Variants in GPC5 observed in about 807,000 individuals in gnomAD.
The protein encoded by GPC5 is glypican-5.
GPC5 carries 47 observed loss-of-function variants against 53.9 expected under a neutral mutation model. The ratio of observed to expected loss-of-function variants is 0.87; its 90% CI spans 0.69 to 1.11. The LOEUF is 1.11. Ranked by LOEUF, GPC5 falls within the 50% of genes most tolerant of loss-of-function variation. The pLI, the probability that GPC5 is intolerant of heterozygous loss-of-function variation, is 0.00. For missense variants in GPC5, 748 were observed against 713.1 expected (o/e 1.05, Z -0.56); for synonymous variants, 286 against 263.3 (o/e 1.09, Z -0.84).
At chr13:91,506,315 T>C (rs1007422924) in intron 2 of GPC5, among the ~76,000 whole-genome samples, 16 of 152,152 alleles carry the variant, frequency 1.1e-4, no homozygotes, top group African/African-American at 2.4e-5. Flanking sequence ...AAATACAGTA[T>C]CACAATGCTT....
chr13:92,744,401 C>A (rs761152768), intron 7 of GPC5, among the ~76,000 whole-genome samples: 6 of 150,896 alleles, frequency 4.0e-5, no homozygotes, highest in Non-Finnish European at 8.8e-5. Context: ...CGATTTGGAA[C>A]TGAGGAAAGA....
chr13:92,699,010 G>A (rs188667311), intron 7 of GPC5, among the ~76,000 whole-genome samples: 32 of 152,110 alleles, frequency 2.1e-4, no homozygotes, highest in African/African-American at 7.0e-4. Context: ...GTACCAGCTC[G>A]TTTTTGTACC....
chr13:92,181,813 G>A (rs2042148948), intron 7 of GPC5, among the ~76,000 whole-genome samples: 2 of 152,172 alleles, frequency 1.3e-5, no homozygotes, highest in African/African-American at 2.4e-5. Flanking sequence ...AAGAGTTTGA[G>A]GTGGGCCTTA....
intron 6 of GPC5, among the ~76,000 whole-genome samples, chr13:92,038,394 AGATC>A (rs1555306217): frequency 7.4e-5 from 11 of 149,374 alleles, no homozygotes; most frequent in Admixed American, 1.3e-4. Flanking sequence ...GTAGATAGAT[AGATC>A]GATCCCTGTT....
At chr13:91,922,979 A>C (rs1252610607) in intron 6 of GPC5, among the ~76,000 whole-genome samples, 1 of 152,138 alleles carries the variant, frequency 6.6e-6, no homozygotes, top group Non-Finnish European at 1.5e-5. Context: ...TGGGATCGTA[A>C]GGTCATAGTA....
At chr13:92,021,652 T>A (rs539947534) in intron 6 of GPC5, among the ~76,000 whole-genome samples, 4 of 152,202 alleles carry the variant, frequency 2.6e-5, no homozygotes, top group Admixed American at 6.5e-5. Flanking sequence ...ATAAAAATCC[T>A]ACTTACAGCT....
chr13:92,407,286 G>A (rs1207330185), intron 7 of GPC5, among the ~76,000 whole-genome samples: 5 of 152,074 alleles, frequency 3.3e-5, no homozygotes, highest in Admixed American at 2.6e-4. Context: ...TGCTTTTAAT[G>A]ACTTCTTTGA....
At chr13:91,752,002 G>A in intron 4 of GPC5, among the ~76,000 whole-genome samples, 1 of 152,254 alleles carries the variant, frequency 6.6e-6, no homozygotes, top group East Asian at 1.9e-4. Context: ...GGGTTGAAAG[G>A]TTCAAGATAA....
intron 7 of GPC5, among the ~76,000 whole-genome samples, chr13:92,539,832 G>A (rs4384477): frequency 0.43 from 64,832 of 151,648 alleles, 14,562 homozygotes; most frequent in African/African-American, 0.56. Flanking sequence ...ATTTTGAGAA[G>A]GATGTACATT....
intron 7 of GPC5, among the ~76,000 whole-genome samples, chr13:92,718,579 C>G (rs917024961): frequency 6.6e-6 from 1 of 151,924 alleles, no homozygotes; most frequent in Non-Finnish European, 1.5e-5. Context: ...GGGGTGGAGT[C>G]AGGATTATGA....
At chr13:92,166,964 A>T (rs879499699) in intron 7 of GPC5, among the ~76,000 whole-genome samples, 4,047 of 89,276 alleles carry the variant, frequency 0.045, 117 homozygotes, top group South Asian at 0.12. Flanking sequence ...TCTCACACAC[A>T]CACACACACA....
intron 6 of GPC5, among the ~76,000 whole-genome samples, chr13:92,031,788 C>CATATTATATATAATATATAATATATTAT (rs2040849057): frequency 2.8e-5 from 2 of 72,536 alleles, no homozygotes; most frequent in African/African-American, 6.3e-5. Context: ...TAATATATTA[C>CATATTATATATAATATATAATATATTAT]ATATTATATA....
chr13:91,441,001 T>C (rs1485937469), intron 1 of GPC5, among the ~76,000 whole-genome samples: 1 of 152,220 alleles, frequency 6.6e-6, no homozygotes, highest in East Asian at 1.9e-4. Context: ...CTCTGTCTTC[T>C]AGTTCTTCAA....
intron 7 of GPC5, among the ~76,000 whole-genome samples, chr13:92,520,812 A>T (rs1048863150): frequency 1.3e-5 from 2 of 152,176 alleles, no homozygotes; most frequent in Non-Finnish European, 2.9e-5. Flanking sequence ...AATAAAGGGT[A>T]TTCAATTAAG....
intron 6 of GPC5, among the ~76,000 whole-genome samples, chr13:91,999,649 G>A (rs1399553978): frequency 6.6e-6 from 1 of 152,036 alleles, no homozygotes; most frequent in East Asian, 1.9e-4. Flanking sequence ...TTATTCATTT[G>A]CTGTGAAAAT....
chr13:92,571,801 G>A (rs1261932092), intron 7 of GPC5, among the ~76,000 whole-genome samples: 3 of 152,164 alleles, frequency 2.0e-5, no homozygotes, highest in Admixed American at 6.5e-5. Flanking sequence ...CACTTTGGGA[G>A]GCGAAGGTGA....
At chr13:91,895,370 G>A (rs79130548) in intron 5 of GPC5, among the ~76,000 whole-genome samples, 4,830 of 152,250 alleles carry the variant, frequency 0.032, 118 homozygotes, top group Middle Eastern at 0.061. Context: ...GGAAGACAAT[G>A]GCTTATAAAG....
intron 6 of GPC5, among the ~76,000 whole-genome samples, chr13:92,101,252 G>A (rs1304859190): frequency 1.3e-5 from 2 of 151,944 alleles, no homozygotes; most frequent in Non-Finnish European, 2.9e-5. Context: ...CCTGGGAGGG[G>A]AATTAAAATT....
chr13:91,527,485 G>A (rs1191679319), intron 2 of GPC5, among the ~76,000 whole-genome samples: 1 of 152,244 alleles, frequency 6.6e-6, no homozygotes, highest in Non-Finnish European at 1.5e-5. Flanking sequence ...GGTGGGCACA[G>A]CCCCCACAGC....
Sources: gnomAD v4.1 joint callset for allele counts (sites outside exome capture counted in the v4.1 genomes callset) on GRCh38, gnomAD v4.1.1 for gene constraint, MANE v1.5 for transcripts, NCBI Gene and HGNC (gene_info 2026-07-23, HGNC 2026-07-21) for gene names.